The following ADARB2 variants were observed in gnomAD, a reference collection of about 807,000 sequenced individuals.
ADARB2 encodes the protein inactive double-stranded RNA-specific editase B2.
In ADARB2, 25 loss-of-function variants were observed where a neutral mutation model predicts 62.2. That is an observed-to-expected ratio of 0.40 (90% CI 0.29 to 0.56). The LOEUF (loss-of-function observed/expected upper bound fraction) is 0.56. Ranked by LOEUF, ADARB2 falls within the 20% of genes least tolerant of loss-of-function variation. The pLI, the probability that ADARB2 is intolerant of heterozygous loss-of-function variation, is 0.43. For missense variants in ADARB2, 1,071 were observed against 1,077.4 expected, an observed-to-expected ratio of 0.99 and a Z score of 0.08; for synonymous variants, 572 against 500.8, an observed-to-expected ratio of 1.14 and a Z score of -1.90.
At chr10:1,646,805 C>T (rs1302233172) in intron 1 of ADARB2, among the ~76,000 whole-genome samples, 4 of 152,190 alleles carry the variant, frequency 2.6e-5, no homozygotes, top group Non-Finnish European at 4.4e-5. Flanking sequence ...CAGCAAAGAC[C>T]CTGGAGATAC....
At chr10:1,513,659 T>C (rs1235585787) in intron 1 of ADARB2, among the ~76,000 whole-genome samples, 7 of 152,298 alleles carry the variant, frequency 4.6e-5, no homozygotes, top group East Asian at 1.9e-4. Flanking sequence ...CTGCAACCCC[T>C]CTGCCCAGGT....
intron 1 of ADARB2, among the ~76,000 whole-genome samples, chr10:1,565,103 T>C (rs140373564): frequency 3.0e-3 from 461 of 152,358 alleles, no homozygotes; most frequent in Non-Finnish European, 5.4e-3. Context: ...CTGATTACGC[T>C]GGCACCAGGT....
intron 8 of ADARB2, among the ~76,000 whole-genome samples, chr10:1,195,269 C>T (rs941235396): frequency 7.9e-5 from 12 of 152,298 alleles, no homozygotes; most frequent in Admixed American, 7.8e-4. Flanking sequence ...TTGCAGGTGC[C>T]CCTGCCAACA....
At chr10:1,633,035 C>T (rs1305217237) in intron 1 of ADARB2, among the ~76,000 whole-genome samples, 1 of 152,126 alleles carries the variant, frequency 6.6e-6, no homozygotes, top group African/African-American at 2.4e-5. Flanking sequence ...CTGGAGTGGG[C>T]CTCCCTCTCC....
intron 2 of ADARB2, among the ~76,000 whole-genome samples, chr10:1,376,900 G>A (rs1329632061): frequency 2.7e-5 from 4 of 150,744 alleles, no homozygotes; most frequent in African/African-American, 9.8e-5. Context: ...TGCTCCTGGG[G>A]TGTGTGTGTG....
chr10:1,584,913 G>A (rs1310639366), intron 1 of ADARB2, among the ~76,000 whole-genome samples: 1 of 152,170 alleles, frequency 6.6e-6, no homozygotes, highest in African/African-American at 2.4e-5. Flanking sequence ...AAAATTTGCA[G>A]ACAATGAAAA....
In ADARB2 at chr10:1,539,656, C is replaced by T. The variant is rs186759365; in HGVS notation, c.101-160496G>A. 1.3e-3 allele frequency among the ~76,000 whole-genome samples: 193 copies of T among 152,322 alleles called. 1 individual carries two copies. Among genetic ancestry groups the T allele is most frequent in the Non-Finnish European group, 1.4e-3 (95 of 68,032 alleles). On this transcript the variant is annotated intron_variant, in intron 1 of 9. Transcript: ENST00000381312. ...CTTCACTTTGCGAGGGAATTTAAAG[C>T]GGCATGCTCCTGTTTGACAATTTTG...
chr10:1,197,742 A>C (rs980816659), intron 8 of ADARB2, among the ~76,000 whole-genome samples: 31 of 152,236 alleles, frequency 2.0e-4, no homozygotes, highest in Non-Finnish European at 2.2e-4. Context: ...AATCATTGAC[A>C]ACATATCTGT....
intron 1 of ADARB2, among the ~76,000 whole-genome samples, chr10:1,444,348 CCCATCCACTCA>C (rs1588260209): frequency 6.7e-4 from 4 of 5,970 alleles, no homozygotes; most frequent in Non-Finnish European, 8.3e-4. Flanking sequence ...CATCCACTCA[CCCATCCACTCA>C]CCCATCCCAT....
chr10:1,227,284 G>A (rs926500225), intron 6 of ADARB2, among the ~76,000 whole-genome samples: 43 of 152,312 alleles, frequency 2.8e-4, no homozygotes, highest in African/African-American at 1.0e-3. Context: ...GGAGTGACCC[G>A]ATTTTCCAGG....
chr10:1,656,560 A>C (rs1834174607), intron 1 of ADARB2, among the ~76,000 whole-genome samples: 1 of 152,068 alleles, frequency 6.6e-6, no homozygotes. Context: ...GCTGCTAATA[A>C]TATACAACTC....
intron 8 of ADARB2, among the ~76,000 whole-genome samples, chr10:1,188,955 C>T (rs894309762): frequency 3.9e-5 from 6 of 152,180 alleles, no homozygotes; most frequent in East Asian, 3.8e-4. Flanking sequence ...CCTCTTCCCA[C>T]GCTGGGGCCC....
intron 3 of ADARB2, among the ~76,000 whole-genome samples, chr10:1,326,820 A>G (rs12360067): frequency 0.04 from 2,980 of 74,684 alleles, 397 homozygotes; most frequent in Middle Eastern, 0.12. Context: ...GCGCCTCCCC[A>G]CGGCCCAGCG....
chr10:1,382,970 G>A (rs1832497386), intron 1 of ADARB2, among the ~76,000 whole-genome samples: 1 of 152,208 alleles, frequency 6.6e-6, no homozygotes, highest in Non-Finnish European at 1.5e-5. Flanking sequence ...GGACGCAGTG[G>A]CCTGGGGCCG....
In ADARB2 at chr10:1,180,686, CCT is replaced by C. The variant is rs1374332769; in HGVS notation, c.*2505_*2506del. 1 of 152,456 alleles carries C rather than the reference CCT, an allele frequency of 6.6e-6. No homozygotes were observed. The highest frequency in any genetic ancestry group is 1.5e-5 in the Non-Finnish European group (1 of 68,216). 9.4% of individuals were successfully genotyped at this position (152,456 alleles called of 1,614,324 possible). On this transcript the variant is annotated 3_prime_UTR_variant, in exon 10 of 10. Coordinates refer to ENST00000381312, the MANE Select transcript of ADARB2 (RefSeq NM_018702.4). ...GGGGTCCCCTCTGCAGCCCACATCC[CCT>C]CTGACAGATCCCTCCACGGAAAGGC...
At chr10:1,316,201 G>A (rs866370708) in intron 3 of ADARB2, among the ~76,000 whole-genome samples, 6 of 152,222 alleles carry the variant, frequency 3.9e-5, no homozygotes, top group Admixed American at 6.5e-5. Flanking sequence ...TTTTTGAAGC[G>A]AGTTCATTTC....
intron 5 of ADARB2, among the ~76,000 whole-genome samples, chr10:1,235,476 GTCTCCCGGTGTTTACTCCCCTCTC>G (rs1564230578): frequency 2.0e-4 from 3 of 15,298 alleles, no homozygotes; most frequent in East Asian, 9.9e-4. Context: ...TTTACCCTCT[GTCTCCCGGTGTTTACTCCCCTCTC>G]CCTCCCGGTG....
intron 1 of ADARB2, among the ~76,000 whole-genome samples, chr10:1,634,916 C>T (rs779799171): frequency 1.3e-4 from 20 of 152,330 alleles, no homozygotes; most frequent in Non-Finnish European, 2.5e-4. Context: ...GATCTATTCT[C>T]ATTCTAGTCG....
intron 1 of ADARB2, among the ~76,000 whole-genome samples, chr10:1,574,827 A>G (rs1328244004): frequency 6.6e-6 from 1 of 152,206 alleles, no homozygotes; most frequent in Non-Finnish European, 1.5e-5. Flanking sequence ...ACAGCCTGGA[A>G]GAGGCAGCTA....
Sources: allele counts gnomAD v4.1 joint callset (sites outside exome capture counted in the v4.1 genomes callset), GRCh38; gene constraint gnomAD v4.1.1; transcripts MANE v1.5; gene names NCBI Gene and HGNC (gene_info 2026-07-23, HGNC 2026-07-21).